Variants in HS3ST5 observed in about 807,000 individuals in gnomAD.
HS3ST5 encodes the protein heparan sulfate glucosamine 3-O-sulfotransferase 5.
Under a neutral mutation model 25.4 loss-of-function variants are expected in HS3ST5, and 10 were observed. That is an observed-to-expected ratio of 0.39 (90% CI 0.24 to 0.67). The LOEUF is 0.67. Ranked by LOEUF, HS3ST5 falls within the 30% of genes least tolerant of loss-of-function variation. The pLI is 0.44. For synonymous variants in HS3ST5, 170 were observed against 162.4 expected, an observed-to-expected ratio of 1.05 and a Z score of -0.36; for missense variants, 324 against 420.7, an observed-to-expected ratio of 0.77 and a Z score of 2.01.
intron 3 of HS3ST5, among the ~76,000 whole-genome samples, chr6:114,064,012 T>G (rs1325124822): frequency 6.6e-6 from 1 of 152,214 alleles, no homozygotes; most frequent in African/African-American, 2.4e-5. Context: ...TATTAAATTT[T>G]GGGGAAAAAT....
intron 1 of HS3ST5, among the ~76,000 whole-genome samples, chr6:114,310,862 C>A (rs920535327): frequency 1.2e-4 from 19 of 152,226 alleles, no homozygotes; most frequent in African/African-American, 4.6e-4. Context: ...TATGTAAACT[C>A]ACTTAAGGCC....
intron 1 of HS3ST5, among the ~76,000 whole-genome samples, chr6:114,233,688 T>A (rs1191842487): frequency 6.6e-6 from 1 of 152,154 alleles, no homozygotes; most frequent in Non-Finnish European, 1.5e-5. Flanking sequence ...TAGAAAAAAA[T>A]ACATTTAATA....
At chr6:114,329,980 G>A (rs1010580760) in intron 1 of HS3ST5, among the ~76,000 whole-genome samples, 2 of 152,040 alleles carry the variant, frequency 1.3e-5, no homozygotes, top group Non-Finnish European at 2.9e-5. Context: ...AAATACAGTC[G>A]GCAAAAGACA....
intron 2 of HS3ST5, among the ~76,000 whole-genome samples, chr6:114,219,934 C>G (rs980930694): frequency 6.6e-6 from 1 of 152,014 alleles, no homozygotes; most frequent in East Asian, 1.9e-4. Flanking sequence ...CCAGAAAAAC[C>G]ATGAAAACCT....
chr6:114,059,666 T>G (rs1582550344), intron 4 of HS3ST5: 2 of 152,356 alleles, frequency 1.3e-5, no homozygotes, highest in African/African-American at 4.8e-5. Flanking sequence ...TCCCTCTCTC[T>G]CCTGCCACCA....
chr6:114,281,643 G>T (rs1036139443), intron 1 of HS3ST5, among the ~76,000 whole-genome samples: 6 of 151,976 alleles, frequency 3.9e-5, no homozygotes, highest in African/African-American at 1.4e-4. Flanking sequence ...AGAAGAAAAA[G>T]AGGAAGTAGG....
intron 1 of HS3ST5, among the ~76,000 whole-genome samples, chr6:114,297,649 T>C (rs928978734): frequency 1.3e-5 from 2 of 152,222 alleles, no homozygotes; most frequent in African/African-American, 4.8e-5. Context: ...GAGTGCTTTC[T>C]ATGGACAAAG....
At chr6:114,151,957 C>T (rs771113160) in intron 3 of HS3ST5, among the ~76,000 whole-genome samples, 116 of 151,882 alleles carry the variant, frequency 7.6e-4, no homozygotes, top group African/African-American at 2.7e-3. Flanking sequence ...ATTTTTGAGA[C>T]GGAGGGTCTG....
At chr6:114,180,761 A>G (rs935919927) in intron 2 of HS3ST5, among the ~76,000 whole-genome samples, 2 of 152,178 alleles carry the variant, frequency 1.3e-5, no homozygotes, top group Non-Finnish European at 2.9e-5. Context: ...CATCCTCATG[A>G]CTTCATTGAA....
At chr6:114,091,519 A>AG (rs1562193174) in intron 3 of HS3ST5, among the ~76,000 whole-genome samples, 1 of 151,746 alleles carries the variant, frequency 6.6e-6, no homozygotes, top group African/African-American at 2.4e-5. Flanking sequence ...CTACTAAAAA[A>AG]AAAAAATACA....
chr6:114,279,667 T>C (rs374995523), intron 1 of HS3ST5, among the ~76,000 whole-genome samples: 6 of 151,888 alleles, frequency 4.0e-5, no homozygotes, highest in African/African-American at 9.7e-5. Context: ...ATGGCCCCGG[T>C]ATGGCTGGAT....
In HS3ST5 at chr6:114,057,559, T is replaced by C. The variant is rs769103925; in HGVS notation, c.739A>G (p.Ile247Val). The C allele has an allele frequency of 5.6e-6, 9 of 1,614,212 alleles. No individual in the cohort carries two copies. In the East Asian group the frequency reaches 6.7e-5, roughly 12 times the overall value. ...HLERWLKYFP[I>V]EQFHVVDGDR... ...CCATCGACGACATGAAATTGCTCAA[T>C]TGGAAAGTATTTCAACCACCTTTCC... Residue 247 changes from isoleucine (I) to valine (V), a missense_variant, in exon 5 of 5, where the codon ATT (isoleucine) becomes GTT (valine). Around this residue, in one of 2 missense-constraint regions of HS3ST5, gnomAD observed 203 missense variants for 303.4 expected, o/e 0.67. Coordinates refer to ENST00000312719, the MANE Select transcript of HS3ST5 (RefSeq NM_153612.4).
chr6:114,290,485 A>C (rs1774525424), intron 1 of HS3ST5, among the ~76,000 whole-genome samples: 1 of 152,128 alleles, frequency 6.6e-6, no homozygotes, highest in Admixed American at 6.5e-5. Flanking sequence ...TCAAGATCAT[A>C]CTAAAATTGG....
intron 1 of HS3ST5, among the ~76,000 whole-genome samples, chr6:114,292,210 T>C (rs1176634119): frequency 6.6e-6 from 1 of 152,172 alleles, no homozygotes; most frequent in African/African-American, 2.4e-5. Flanking sequence ...TAACAGAGAA[T>C]CTCAGACTGG....
chr6:114,103,932 AC>A (rs1219773691), intron 3 of HS3ST5, among the ~76,000 whole-genome samples: 2 of 144,262 alleles, frequency 1.4e-5, no homozygotes, highest in Non-Finnish European at 3.0e-5. Context: ...CGATCTCCTG[AC>A]CTCGTGATCC....
Position 114,161,542 on chromosome 6 carries a change from T to TAAATATATATAAA in HS3ST5, c.-33+6808_-33+6809insTTTATATATATTT, listed in dbSNP as rs1562220892. Among the ~76,000 whole-genome samples, 83 of 74,710 alleles carry TAAATATATATAAA rather than the reference T, an allele frequency of 1.1e-3. 1 individual carries two copies. Among genetic ancestry groups the TAAATATATATAAA allele is most frequent in the African/African-American group, 4.0e-3 (81 of 20,178 alleles). The allele number at this position is 74,710 out of a possible 152,430, so 49.0% of individuals were successfully genotyped here. A position where few individuals can be genotyped will look rare whatever the true frequency, so the allele number is the denominator to read the frequency against. ...AGTTTTATATATATATATATATATATATATATATATATATATATATATATA... is the reference window on the plus strand; with the variant it reads ...AGTTTTATATATATATATATATATATAAATATATATAAAATATATATATATATATATATATATA... On this transcript the variant is annotated intron_variant, in intron 3 of 4. Transcript: ENST00000312719.
chr6:114,124,451 GGC>G (rs1165652915), intron 3 of HS3ST5, among the ~76,000 whole-genome samples: 1 of 152,040 alleles, frequency 6.6e-6, no homozygotes, highest in African/African-American at 2.4e-5. Context: ...CCCATTCCCT[GGC>G]GCCCAACCAC....
intron 1 of HS3ST5, among the ~76,000 whole-genome samples, chr6:114,310,261 C>T (rs6927808): frequency 0.33 from 49,679 of 152,078 alleles, 8,984 homozygotes; most frequent in Non-Finnish European, 0.42. Flanking sequence ...ACAATAGCTA[C>T]TCAATAAATG....
chr6:114,138,360 A>G lies in HS3ST5; in HGVS notation c.-33+29991T>C, dbSNP rs1183866742. On this transcript the variant is annotated intron_variant, in intron 3 of 4. Coordinates refer to ENST00000312719, the MANE Select transcript of HS3ST5 (RefSeq NM_153612.4). ...AAAAGATGTCTACTATGGTACTAGC[A>G]TAATTAAAAGCAAAATATATTTGGG... Among the ~76,000 whole-genome samples, 3 of 152,232 alleles carry G rather than the reference A, an allele frequency of 2.0e-5. No individual in the cohort carries two copies. In the East Asian group the frequency reaches 5.8e-4, roughly 29 times the overall value.
Sources: gnomAD v4.1 joint callset for allele counts (sites outside exome capture counted in the v4.1 genomes callset) on GRCh38, gnomAD v4.1.1 for gene constraint, gnomAD v4.1.1 regional missense constraint, MANE v1.5 for transcripts, NCBI Gene and HGNC (gene_info 2026-07-23, HGNC 2026-07-21) for gene names.